CDH18: variants seen among roughly 807,000 people sequenced by gnomAD.
The protein encoded by CDH18 is cadherin 18.
A neutral mutation model predicts 67.9 loss-of-function variants in CDH18; 31 were observed. The observed-to-expected ratio is 0.46, with a 90% CI of 0.34 to 0.62. The LOEUF (loss-of-function observed/expected upper bound fraction) is 0.62, where lower values mean the gene tolerates loss of function less well. CDH18 is among the 20% of genes least tolerant of loss of function. The probability of loss-of-function intolerance (pLI) is 0.01; values close to 1 mark genes in which losing one functional copy is unlikely to be tolerated. For synonymous variants in CDH18, 362 were observed against 347.2 expected (o/e 1.04, Z -0.48); for missense variants, 890 against 975.5 (o/e 0.91, Z 1.17).
intron 2 of CDH18, among the ~76,000 whole-genome samples, chr5:19,846,895 A>AT (rs1783031499): frequency 6.7e-6 from 1 of 149,696 alleles, no homozygotes. Context: ...TGGATATAAT[A>AT]TTTTTTGTCG....
chr5:19,706,850 T>C (rs1031020691), intron 5 of CDH18, among the ~76,000 whole-genome samples: 1 of 151,942 alleles, frequency 6.6e-6, no homozygotes, highest in Admixed American at 6.6e-5. Flanking sequence ...AGAGGGGAAA[T>C]AGGGACTACG....
At chr5:19,530,544 T>C (rs180947814) in intron 9 of CDH18, among the ~76,000 whole-genome samples, 322 of 152,266 alleles carry the variant, frequency 2.1e-3, no homozygotes, top group African/African-American at 7.2e-3. Flanking sequence ...TAACTCGTCA[T>C]TTAGCATTAG....
At chr5:20,049,395 T>G (rs1488691080) in intron 2 of CDH18, among the ~76,000 whole-genome samples, 1 of 151,614 alleles carries the variant, frequency 6.6e-6, no homozygotes, top group Non-Finnish European at 1.5e-5. Context: ...GAAAAATAAC[T>G]AATAGGTACT....
chr5:20,181,009 A>G (rs968404035), intron 2 of CDH18, among the ~76,000 whole-genome samples: 1 of 152,102 alleles, frequency 6.6e-6, no homozygotes. Flanking sequence ...CTATTCATGG[A>G]TCACTGATCT....
intron 1 of CDH18, among the ~76,000 whole-genome samples, chr5:20,458,312 C>T (rs1293352707): frequency 6.6e-6 from 1 of 152,040 alleles, no homozygotes; most frequent in Non-Finnish European, 1.5e-5. Context: ...ATATGTAATA[C>T]ATGCTTAATA....
intron 11 of CDH18, among the ~76,000 whole-genome samples, chr5:19,489,123 T>C (rs1294959912): frequency 6.6e-6 from 1 of 152,166 alleles, no homozygotes; most frequent in Non-Finnish European, 1.5e-5. Context: ...CAAATAATGC[T>C]GATACAAATT....
intron 1 of CDH18, among the ~76,000 whole-genome samples, chr5:20,571,433 G>A (rs1000666496): frequency 2.6e-5 from 4 of 151,750 alleles, no homozygotes; most frequent in African/African-American, 4.8e-5. Flanking sequence ...ATATAGCATC[G>A]GAATTCTCAC....
At chr5:20,460,818 T>A (rs1192864914) in intron 1 of CDH18, among the ~76,000 whole-genome samples, 1 of 152,206 alleles carries the variant, frequency 6.6e-6, no homozygotes, top group Non-Finnish European at 1.5e-5. Flanking sequence ...TTCAAAATAA[T>A]AACGATACAA....
intron 3 of CDH18, among the ~76,000 whole-genome samples, chr5:19,819,966 C>G (rs1411795557): frequency 3.3e-5 from 5 of 152,154 alleles, no homozygotes; most frequent in Non-Finnish European, 7.4e-5. Flanking sequence ...GGCCTGAGAG[C>G]AGTTTGCCCC....
At chr5:19,670,581 C>A (rs933170671) in intron 5 of CDH18, among the ~76,000 whole-genome samples, 3 of 152,070 alleles carry the variant, frequency 2.0e-5, no homozygotes, top group Non-Finnish European at 4.4e-5. Context: ...TTAAAAAGCT[C>A]ATTCTAGCTT....
intron 1 of CDH18, among the ~76,000 whole-genome samples, chr5:20,377,031 A>AT (rs939783284): frequency 3.4e-5 from 5 of 148,170 alleles, no homozygotes; most frequent in Admixed American, 1.3e-4. Context: ...AAAAAAAAAA[A>AT]ATATTAGGTC....
chr5:20,210,245 T>C (rs901396557), intron 2 of CDH18, among the ~76,000 whole-genome samples: 5 of 151,912 alleles, frequency 3.3e-5, no homozygotes, highest in African/African-American at 7.2e-5. Context: ...TCTTGCTTTA[T>C]CTACTTTCTA....
intron 2 of CDH18, among the ~76,000 whole-genome samples, chr5:20,230,547 C>G (rs1376433848): frequency 6.6e-6 from 1 of 152,096 alleles, no homozygotes; most frequent in Non-Finnish European, 1.5e-5. Context: ...TGATGACCAT[C>G]TTGATAACTC....
At chr5:20,217,798 T>C (rs1740897070) in intron 2 of CDH18, among the ~76,000 whole-genome samples, 1 of 150,636 alleles carries the variant, frequency 6.6e-6, no homozygotes, top group Non-Finnish European at 1.5e-5. Flanking sequence ...ACCAACAAAA[T>C]GAAAAATAAA....
intron 2 of CDH18, among the ~76,000 whole-genome samples, chr5:20,008,423 A>G (rs1166227699): frequency 6.6e-6 from 1 of 152,144 alleles, no homozygotes; most frequent in Non-Finnish European, 1.5e-5. Flanking sequence ...TGTGGAGTGA[A>G]AAATTATGAG....
Position 19,816,077 on chromosome 5 carries a change from AAT to A in CDH18, c.228+22680_228+22681del, listed in dbSNP as rs1200469432. On this transcript the variant is annotated intron_variant, in intron 3 of 12. Coordinates refer to ENST00000382275, the MANE Select transcript of CDH18 (RefSeq NM_004934.5). ...TCATTCTTTTGTTTATTCAGAAAAC[AAT>A]GTTTTTATTAACTTTTATTAATGAA... Among the ~76,000 whole-genome samples, 7 of 152,088 alleles carry A rather than the reference AAT, an allele frequency of 4.6e-5. No homozygotes were observed. In the South Asian group the frequency reaches 1.0e-3, roughly 23 times the overall value.
intron 8 of CDH18, among the ~76,000 whole-genome samples, chr5:19,548,428 T>C (rs2127118319): frequency 6.6e-6 from 1 of 152,248 alleles, no homozygotes. Flanking sequence ...GCCATTAATA[T>C]AAACCTTTGA....
chr5:19,544,889 G>A (rs1334301598), intron 8 of CDH18, among the ~76,000 whole-genome samples: 1 of 152,084 alleles, frequency 6.6e-6, no homozygotes, highest in Non-Finnish European at 1.5e-5. Context: ...GAGTGCCCCA[G>A]AGATAAACAG....
At chr5:19,509,470 G>C (rs1209570363) in intron 10 of CDH18, among the ~76,000 whole-genome samples, 7 of 152,178 alleles carry the variant, frequency 4.6e-5, no homozygotes, top group Non-Finnish European at 1.0e-4. Context: ...ATAGTGTCCT[G>C]TTTAGTCAAT....
Sources: allele counts gnomAD v4.1 joint callset (sites outside exome capture counted in the v4.1 genomes callset), GRCh38; gene constraint gnomAD v4.1.1; transcripts MANE v1.5; gene names NCBI Gene and HGNC (gene_info 2026-07-23, HGNC 2026-07-21).